Variants in ST3GAL2 observed in about 807,000 individuals in gnomAD.
ST3GAL2 encodes ST3 beta-galactoside alpha-2,3-sialyltransferase 2, also known as CMP-N-acetylneuraminate-beta-galactosamide-alpha-2,3-sialyltransferase 2.
A neutral mutation model predicts 37.5 loss-of-function variants in ST3GAL2; 16 were observed. That is an observed-to-expected ratio of 0.43 (90% CI 0.29 to 0.65). ST3GAL2 has a LOEUF of 0.65. Ranked by LOEUF, ST3GAL2 falls within the 30% of genes least tolerant of loss-of-function variation. ST3GAL2 has a pLI of 0.17. For missense variants in ST3GAL2, 383 were observed against 487.8 expected, an observed-to-expected ratio of 0.79 and a Z score of 2.02; for synonymous variants, 238 against 202.9, an observed-to-expected ratio of 1.17 and a Z score of -1.47.
chr16:70,401,831 A>G (rs1051801914), intron 1 of ST3GAL2, among the ~76,000 whole-genome samples: 1 of 151,888 alleles, frequency 6.6e-6, no homozygotes, highest in Non-Finnish European at 1.5e-5. Flanking sequence ...CATCTCTACT[A>G]AAAATACAAA....
chr16:70,407,948 G>A (rs1385097357), intron 1 of ST3GAL2, among the ~76,000 whole-genome samples: 1 of 152,134 alleles, frequency 6.6e-6, no homozygotes, highest in Non-Finnish European at 1.5e-5. Flanking sequence ...GGAGCCTGGG[G>A]GGATGGGTGC....
At chr16:70,418,024 G>C (rs1043252832) in intron 1 of ST3GAL2, among the ~76,000 whole-genome samples, 1 of 152,162 alleles carries the variant, frequency 6.6e-6, no homozygotes, top group Non-Finnish European at 1.5e-5. Context: ...TCACACCGTA[G>C]ATGTATAATA....
At chr16:70,428,209 T>G (rs2047764711) in intron 1 of ST3GAL2, among the ~76,000 whole-genome samples, 1 of 152,152 alleles carries the variant, frequency 6.6e-6, no homozygotes, top group East Asian at 1.9e-4. Context: ...CCTCCCCCAG[T>G]GCACAGCTGA....
rs1367775886 is a variant in ST3GAL2, at chr16:70,398,640, G to A, written c.-110C>T. 1.4e-5 allele frequency: 15 copies of A among 1,048,206 alleles called. No homozygotes were observed. The highest frequency in any genetic ancestry group is 1.0e-4 in the East Asian group (4 of 38,250). The allele number at this position is 1,048,206 out of a possible 1,614,324, so 64.9% of individuals were successfully genotyped here. On this transcript the variant is annotated 5_prime_UTR_variant, in exon 2 of 7. Coordinates refer to ENST00000342907, the MANE Select transcript of ST3GAL2 (RefSeq NM_006927.4). ...TGGCACCACATGCAAAGGGCATAGG[G>A]GCACGTGCTGCAGCAGGGGACAGTG... is the stretch of plus-strand genomic sequence containing the variant.
chr16:70,431,985 A>ATATATATTT (rs1454729972), intron 1 of ST3GAL2, among the ~76,000 whole-genome samples: 1,532 of 138,980 alleles, frequency 0.011, 35 homozygotes, highest in African/African-American at 0.046. Flanking sequence ...ATATATATAT[A>ATATATATTT]TTTTTTTTTA....
chr16:70,416,910 T>A (rs1277982538), intron 1 of ST3GAL2, among the ~76,000 whole-genome samples: 2 of 152,180 alleles, frequency 1.3e-5, no homozygotes, highest in Non-Finnish European at 2.9e-5. Context: ...GACCTGGAAC[T>A]CCTGCAGCTC....
At position 70,399,263 on chromosome 16, in the gene ST3GAL2, C is replaced by T. The variant is rs1314496520; in HGVS notation, c.-733G>A. 1 of 398,912 alleles carries T rather than the reference C, an allele frequency of 2.5e-6. No individual in the cohort carries two copies. The allele number at this position is 398,912 out of a possible 1,614,324, so 24.7% of individuals were successfully genotyped here. On this transcript the variant is annotated 5_prime_UTR_variant, in exon 2 of 7. Transcript: ENST00000342907. ...GTGGCCCCAGCCCCAGCTGCAGTTGCGTAGGGGTCGCAAAGCTCCTACTGT... is the reference window on the plus strand; with the variant it reads ...GTGGCCCCAGCCCCAGCTGCAGTTGTGTAGGGGTCGCAAAGCTCCTACTGT...
rs1172110268 is a variant in ST3GAL2, at chr16:70,379,476, A to G, written c.*2213T>C. On this transcript the variant is annotated 3_prime_UTR_variant, in exon 7 of 7. Transcript: ENST00000342907. The stretch of plus-strand genomic sequence containing the variant: ...TATCCTACCAGACCCGCCTTCTTCC[A>G]TCATGCCCATTTCAGAACAATGAAG... The G allele has an allele frequency of 6.6e-6, 1 of 152,210 alleles. No individual in the cohort carries two copies. The highest frequency in any genetic ancestry group is 1.5e-5 in the Non-Finnish European group (1 of 68,044). 9.4% of individuals were successfully genotyped at this position (152,210 alleles called of 1,614,324 possible).
At chr16:70,434,541 G>C (rs1421482539) in intron 1 of ST3GAL2, among the ~76,000 whole-genome samples, 1 of 152,206 alleles carries the variant, frequency 6.6e-6, no homozygotes, top group African/African-American at 2.4e-5. Context: ...CAGGGGCTGT[G>C]CATCAGAAAG....
intron 3 of ST3GAL2, 107 bp from the exon 4 acceptor site, chr16:70,388,653 C>G: frequency 2.4e-6 from 3 of 1,257,350 alleles, no homozygotes; most frequent in African/African-American, 3.0e-5. Context: ...CGGGTGTATA[C>G]TCCAACCTAG....
rs140078692 is a variant in ST3GAL2 at position 70,390,156 on chromosome 16, C to T, written c.534-1610G>A. ...GTGGCACCATCATGGCTCACTGCAG[C>T]CTCGACCTCCTGGGTTCAATCAATC... On this transcript the variant is annotated intron_variant, in intron 3 of 6. Transcript: ENST00000342907. Among the ~76,000 whole-genome samples the T allele has an allele frequency of 6.1e-3, 923 of 152,048 alleles. 11 individuals carry two copies. Among genetic ancestry groups the T allele is most frequent in the African/African-American group, 0.022 (895 of 41,478 alleles).
chr16:70,379,801 T>G lies in ST3GAL2; in HGVS notation c.*1888A>C, dbSNP rs2047382860. On this transcript the variant is annotated 3_prime_UTR_variant, in exon 7 of 7. Coordinates refer to ENST00000342907, the MANE Select transcript of ST3GAL2 (RefSeq NM_006927.4). ...TGCGCCTGGCTAATTTTTGTATTTT[T>G]TTTTTTTTTTGGTAGAGACGAGGTT... 1 of 151,552 alleles carries G rather than the reference T, an allele frequency of 6.6e-6. No individual in the cohort carries two copies. Among genetic ancestry groups the G allele is most frequent in the Admixed American group, 6.6e-5 (1 of 15,194 alleles). 9.4% of individuals were successfully genotyped at this position (151,552 alleles called of 1,614,324 possible).
intron 3 of ST3GAL2, among the ~76,000 whole-genome samples, chr16:70,391,595 G>T (rs1044295738): frequency 6.6e-6 from 1 of 152,164 alleles, no homozygotes; most frequent in Non-Finnish European, 1.5e-5. Flanking sequence ...AGCACCCTGG[G>T]GCCTGTGAGG....
intron 1 of ST3GAL2, among the ~76,000 whole-genome samples, chr16:70,403,902 T>A (rs1444392118): frequency 2.0e-5 from 3 of 151,798 alleles, no homozygotes; most frequent in African/African-American, 4.8e-5. Context: ...GGCTTAGGCA[T>A]AAGGATCACT....
intron 1 of ST3GAL2, among the ~76,000 whole-genome samples, chr16:70,423,546 G>A (rs1321066388): frequency 6.6e-6 from 1 of 151,988 alleles, no homozygotes; most frequent in Non-Finnish European, 1.5e-5. Flanking sequence ...CTCCATACTG[G>A]AAAAAGCCCC....
At chr16:70,393,269 G>C (rs1348192120) in intron 3 of ST3GAL2, among the ~76,000 whole-genome samples, 4 of 151,966 alleles carry the variant, frequency 2.6e-5, no homozygotes, top group South Asian at 4.1e-4. Flanking sequence ...GTAGAGACAG[G>C]GTTTCACAAT....
At chr16:70,438,125 TGGTG>T (rs2047838828) in intron 1 of ST3GAL2, among the ~76,000 whole-genome samples, 1 of 152,092 alleles carries the variant, frequency 6.6e-6, no homozygotes, top group Non-Finnish European at 1.5e-5. Context: ...AGCAAGCAAT[TGGTG>T]CTGACTCCTC....
intron 2 of ST3GAL2, among the ~76,000 whole-genome samples, chr16:70,396,357 T>C (rs2047516377): frequency 6.7e-6 from 1 of 149,794 alleles, no homozygotes; most frequent in Non-Finnish European, 1.5e-5. Flanking sequence ...GATGGAGCCA[T>C]AACTTGATGG....
chr16:70,399,438 A>C lies in ST3GAL2; in HGVS notation c.-908T>G, dbSNP rs1597563263. The stretch of plus-strand genomic sequence containing the variant: ...CCTGGCCCAGGTTCTGCCCATCCCC[A>C]CTCCCCCGGGGCCAGCCTATCCTGC... On this transcript the variant is annotated 5_prime_UTR_variant, in exon 2 of 7. Transcript: ENST00000342907. The C allele has an allele frequency of 5.0e-6, 2 of 397,232 alleles. No individual in the cohort carries two copies. Among genetic ancestry groups the C allele is most frequent in the Non-Finnish European group, 8.9e-6 (2 of 225,878 alleles). The allele number at this position is 397,232 out of a possible 1,614,324, so 24.6% of individuals were successfully genotyped here. A position where few individuals can be genotyped will look rare whatever the true frequency, so the allele number is the denominator to read the frequency against.
Sources: allele counts gnomAD v4.1 joint callset (sites outside exome capture counted in the v4.1 genomes callset), GRCh38; gene constraint gnomAD v4.1.1; transcripts MANE v1.5; gene names NCBI Gene and HGNC (gene_info 2026-07-23, HGNC 2026-07-21).